The following MS4A13 variants were observed in gnomAD, a reference collection of about 807,000 sequenced individuals.
MS4A13 encodes the protein membrane-spanning 4-domains subfamily A member 13.
Under a neutral mutation model 18.4 loss-of-function variants are expected in MS4A13, and 21 were observed. The ratio of observed to expected loss-of-function variants is 1.14; its 90% confidence interval spans 0.81 to 1.64. MS4A13 has a LOEUF of 1.64. Among genes scored for constraint, MS4A13 ranks in the 40% most tolerant of loss-of-function variants. The pLI, the probability that MS4A13 is intolerant of heterozygous loss-of-function variation, is 0.00. For synonymous variants in MS4A13, 62 were observed against 57.2 expected (o/e 1.08, Z -0.38); for missense variants, 173 against 176.8 (o/e 0.98, Z 0.12).
chr11:60,522,560 G>C (rs754033151), intron 3 of MS4A13, among the ~76,000 whole-genome samples: 1 of 152,040 alleles, frequency 6.6e-6, no homozygotes, highest in African/African-American at 2.4e-5. Context: ...CATTGAGACA[G>C]CAATTAATCA....
intron 6 of MS4A13, among the ~76,000 whole-genome samples, chr11:60,538,268 G>GCCT (rs2086826332): frequency 6.6e-6 from 1 of 151,714 alleles, no homozygotes; most frequent in Non-Finnish European, 1.5e-5. Flanking sequence ...GGCCGATGGG[G>GCCT]CATAGATGAG....
intron 6 of MS4A13, among the ~76,000 whole-genome samples, chr11:60,542,099 A>T (rs1422818089): frequency 1.5e-5 from 2 of 134,806 alleles, no homozygotes; most frequent in Admixed American, 1.6e-4. Flanking sequence ...CATGACCTTG[A>T]AAACAGAACA....
chr11:60,541,446 C>A (rs953395880), intron 6 of MS4A13, among the ~76,000 whole-genome samples: 36 of 152,160 alleles, frequency 2.4e-4, no homozygotes, highest in Non-Finnish European at 4.1e-4. Flanking sequence ...AGCAACTATA[C>A]CTGCACTTAA....
At chr11:60,532,277 G>C (rs1032592393) in intron 6 of MS4A13, among the ~76,000 whole-genome samples, 4 of 152,228 alleles carry the variant, frequency 2.6e-5, no homozygotes, top group South Asian at 4.1e-4. Flanking sequence ...CATCTCACTA[G>C]GGAGTGCCAG....
intron 6 of MS4A13, among the ~76,000 whole-genome samples, chr11:60,540,991 A>G (rs2086853043): frequency 6.6e-6 from 1 of 151,848 alleles, no homozygotes; most frequent in African/African-American, 2.4e-5. Flanking sequence ...AAGAAAACAC[A>G]TGAGACGTGT....
At chr11:60,542,224 AAAGG>A (rs893802517) in intron 6 of MS4A13, among the ~76,000 whole-genome samples, 15 of 101,182 alleles carry the variant, frequency 1.5e-4, no homozygotes, top group South Asian at 3.4e-4. Flanking sequence ...GGAAAGAAAG[AAAGG>A]AAGGAAGGAA....
chr11:60,526,373 A>G lies in MS4A13; in HGVS notation c.306+1047A>G, dbSNP rs77996419. 3.7e-3 allele frequency among the ~76,000 whole-genome samples: 570 copies of G among 152,358 alleles called. 3 individuals carry two copies. The highest frequency in any genetic ancestry group is 0.013 in the African/African-American group (557 of 41,582). The stretch of plus-strand genomic sequence containing the variant: ...AAGGAGGACTTAAGTTATTAAGTGC[A>G]TAATTGTTTCAAGTTATATGTCACC... On this transcript the variant is annotated intron_variant, in intron 5 of 6. Transcript: ENST00000378186.
chr11:60,538,016 G>T (rs1270520633), intron 6 of MS4A13, among the ~76,000 whole-genome samples: 1 of 129,854 alleles, frequency 7.7e-6, no homozygotes, highest in Middle Eastern at 3.8e-3. Flanking sequence ...ATCACACTCT[G>T]GGGACTGTGG....
chr11:60,515,497 G>C lies in MS4A13; in HGVS notation c.-239G>C, dbSNP rs2086631007. 6.6e-6 allele frequency: 1 copy of C among 152,352 alleles called. No homozygotes were observed. Among genetic ancestry groups the C allele is most frequent in the African/African-American group, 2.4e-5 (1 of 41,472 alleles). 9.4% of individuals were successfully genotyped at this position (152,352 alleles called of 1,614,324 possible). On this transcript the variant is annotated 5_prime_UTR_variant, in exon 1 of 7. Coordinates refer to ENST00000378186, the MANE Select transcript of MS4A13 (RefSeq NM_001012417.3). ...GGACCTGGCGCTGAGCGCGTTGCCA[G>C]CCGGGATCTTCCTCTTCATCTAGGC...
intron 3 of MS4A13, among the ~76,000 whole-genome samples, chr11:60,522,217 TA>T (rs1381822098): frequency 2.7e-3 from 110 of 40,344 alleles, no homozygotes; most frequent in Non-Finnish European, 6.3e-3. Flanking sequence ...GATAGATAGA[TA>T]GATAGATAGA....
chr11:60,542,521 T>A lies in MS4A13; in HGVS notation c.405T>A (p.Phe135Leu). ...THSIYSCSNL[F>L]RRQNDLTSVT... ...GTAAGAGGTTACTTTTTTTCCAGTT[T>A]CGAAGACAAAATGATCTTACATCTG... Residue 135 changes from phenylalanine to leucine, a missense_variant and splice_region_variant, in exon 7 of 7, where the codon TTT becomes TTA. Coordinates refer to ENST00000378186, the MANE Select transcript of MS4A13 (RefSeq NM_001012417.3). The A allele has an allele frequency of 6.2e-7, 1 of 1,608,590 alleles. No individual in the cohort carries two copies. Among genetic ancestry groups the A allele is most frequent in the Non-Finnish European group, 8.5e-7 (1 of 1,176,480 alleles).
chr11:60,522,866 G>A (rs2086687195), intron 3 of MS4A13, among the ~76,000 whole-genome samples: 1 of 152,104 alleles, frequency 6.6e-6, no homozygotes, highest in Admixed American at 6.6e-5. Flanking sequence ...TTTCCTTAGT[G>A]TTTGACCACT....
At chr11:60,520,782 C>T (rs1391894219) in intron 3 of MS4A13, among the ~76,000 whole-genome samples, 1 of 152,190 alleles carries the variant, frequency 6.6e-6, no homozygotes, top group Non-Finnish European at 1.5e-5. Flanking sequence ...AGGATGGTGG[C>T]CTTCTTCTCA....
intron 4 of MS4A13, among the ~76,000 whole-genome samples, 183 bp downstream of exon 4, chr11:60,524,136 A>C (rs76210380): frequency 0.014 from 2,083 of 152,344 alleles, 21 homozygotes; most frequent in Non-Finnish European, 0.022. Flanking sequence ...GTATTGGTTA[A>C]AATCATGATT....
chr11:60,539,901 T>A (rs1161084251), intron 6 of MS4A13, among the ~76,000 whole-genome samples: 1 of 152,080 alleles, frequency 6.6e-6, no homozygotes, highest in African/African-American at 2.4e-5. Flanking sequence ...CATACACAGA[T>A]GAATAATGTG....
intron 3 of MS4A13, among the ~76,000 whole-genome samples, chr11:60,522,235 G>GATGGATGTATATATATATATCT (rs1231071278): frequency 8.9e-6 from 1 of 112,202 alleles, no homozygotes; most frequent in Non-Finnish European, 1.8e-5. Flanking sequence ...TAGATAGATA[G>GATGGATGTATATATATATATCT]ATAGATGTAT....
At chr11:60,529,486 A>C in intron 6 of MS4A13, 26 bp downstream of exon 6, 3 of 1,360,036 alleles carry the variant, frequency 2.2e-6, no homozygotes, top group Non-Finnish European at 3.1e-6. Context: ...CTCTCTGGCA[A>C]ATCAAAAGAT....
intron 6 of MS4A13, 71 bp downstream of exon 6, chr11:60,529,531 G>A: frequency 1.4e-6 from 1 of 731,664 alleles, no homozygotes. Flanking sequence ...ATGAGAAGAT[G>A]AAGTGCACTG....
intron 6 of MS4A13, among the ~76,000 whole-genome samples, chr11:60,531,991 G>C (rs549887185): frequency 6.6e-6 from 1 of 152,138 alleles, no homozygotes; most frequent in Admixed American, 6.5e-5. Flanking sequence ...ATCTAAAATT[G>C]CTACCATATA....
Sources: gnomAD v4.1 joint callset for allele counts (sites outside exome capture counted in the v4.1 genomes callset) on GRCh38, gnomAD v4.1.1 for gene constraint, MANE v1.5 for transcripts, NCBI Gene and HGNC (gene_info 2026-07-23, HGNC 2026-07-21) for gene names.